ACO1: variants seen among roughly 807,000 people sequenced by gnomAD.
The protein encoded by ACO1 is aconitase 1, also known as cytoplasmic aconitate hydratase.
Under a neutral mutation model 105.1 loss-of-function variants are expected in ACO1, and 78 were observed. The observed-to-expected ratio is 0.74, with a 90% confidence interval of 0.62 to 0.90. ACO1 has a LOEUF of 0.90. ACO1 is among the 40% of genes least tolerant of loss of function. ACO1 has a pLI of 0.00. For synonymous variants in ACO1, 364 were observed against 397.4 expected, an observed-to-expected ratio of 0.92 and a Z score of 1.00; for missense variants, 965 against 1,111.1, an observed-to-expected ratio of 0.87 and a Z score of 1.87.
intron 9 of ACO1, 25 bp downstream of exon 9, chr9:32,423,444 A>C (rs1220129504): frequency 6.9e-7 from 1 of 1,457,328 alleles, no homozygotes; most frequent in African/African-American, 1.4e-5. Flanking sequence ...TCCACTGTGC[A>C]TGTATTTCCT....
rs754371350 is a variant in ACO1 at position 32,405,488 on chromosome 9, C to G, written c.-19C>G. The stretch of plus-strand genomic sequence containing the variant: ...AAATGTTCTCTTTTCTTTTCAGGAA[C>G]ACGTGGCCATCAGTAATCATGAGCA... On this transcript the variant is annotated 5_prime_UTR_variant, in exon 2 of 21. Transcript: ENST00000309951. The G allele has an allele frequency of 5.1e-6, 8 of 1,569,600 alleles. No homozygotes were observed. The highest frequency in any genetic ancestry group is 7.0e-6 in the Non-Finnish European group (8 of 1,140,336).
At chr9:32,432,481 C>T (rs542516279) in intron 15 of ACO1, among the ~76,000 whole-genome samples, 30 of 152,294 alleles carry the variant, frequency 2.0e-4, no homozygotes, top group African/African-American at 6.5e-4. Context: ...GTGATGTTCA[C>T]ACGCTGCACT....
At chr9:32,440,315 A>G in intron 18 of ACO1, 150 bp from the exon 19 acceptor site, 5 of 763,872 alleles carry the variant, frequency 6.5e-6, no homozygotes, top group Non-Finnish European at 1.0e-5. Flanking sequence ...AAGTAAAAAG[A>G]TCAAGATAAT....
intron 14 of ACO1, among the ~76,000 whole-genome samples, 197 bp downstream of exon 14, chr9:32,430,771 G>A (rs1822217679): frequency 6.6e-6 from 1 of 152,148 alleles, no homozygotes; most frequent in African/African-American, 2.4e-5. Context: ...TGAGGGTAAA[G>A]GATAACGAAA....
chr9:32,417,479 A>C (rs1466021073), intron 4 of ACO1, among the ~76,000 whole-genome samples: 1 of 152,214 alleles, frequency 6.6e-6, no homozygotes, highest in African/African-American at 2.4e-5. Context: ...CCTTGACTCA[A>C]AACAATGCAG....
rs1036287850 is a variant in ACO1, at chr9:32,417,769, G to T, written c.405-359G>T. Among the ~76,000 whole-genome samples, 3 of 152,166 alleles carry T rather than the reference G, an allele frequency of 2.0e-5. No individual in the cohort carries two copies. In the South Asian group the frequency reaches 6.2e-4, roughly 32 times the overall value. On this transcript the variant is annotated intron_variant, in intron 4 of 20. Transcript: ENST00000309951. ...ATGTTATAATGAGGTCATGGATGAG[G>T]AGTATAGAAACAAGAGTTCTTTAAA... is the stretch of plus-strand genomic sequence containing the variant.
intron 1 of ACO1, among the ~76,000 whole-genome samples, chr9:32,391,271 G>A (rs1283504262): frequency 1.3e-5 from 2 of 152,200 alleles, no homozygotes; most frequent in African/African-American, 2.4e-5. Context: ...GTCCTCAGCA[G>A]CAAGTGGCAG....
intron 4 of ACO1, among the ~76,000 whole-genome samples, chr9:32,414,932 TAA>T (rs1449366670): frequency 1.3e-5 from 2 of 152,184 alleles, no homozygotes; most frequent in African/African-American, 4.8e-5. Context: ...ATGCAGTTGA[TAA>T]GTGTAGTCAC....
chr9:32,433,466 G>A (rs915044384), intron 15 of ACO1, among the ~76,000 whole-genome samples: 1 of 152,026 alleles, frequency 6.6e-6, no homozygotes, highest in Non-Finnish European at 1.5e-5. Context: ...GAGCTGCTGG[G>A]CTCAAGCCAT....
Position 32,384,752 on chromosome 9 carries a change from C to T in ACO1, c.-23+17C>T, listed in dbSNP as rs575275583. The T allele has an allele frequency of 5.2e-6, 2 of 382,424 alleles. No individual in the cohort carries two copies. Among genetic ancestry groups the T allele is most frequent in the East Asian group, 1.4e-4 (1 of 7,092 alleles). 23.7% of individuals were successfully genotyped at this position (382,424 alleles called of 1,614,324 possible). A position where few individuals can be genotyped will look rare whatever the true frequency, so the allele number is the denominator to read the frequency against. ...CAGTCGGAGGTGAGTACCGACGCGG[C>T]CCGACCCACGTCCCCAGGCGGGAGC... is the stretch of plus-strand genomic sequence containing the variant. On this transcript the variant is annotated intron_variant, in intron 1 of 20. Transcript: ENST00000309951.
At chr9:32,428,277 G>C (rs1822144335) in intron 12 of ACO1, among the ~76,000 whole-genome samples, 1 of 103,884 alleles carries the variant, frequency 9.6e-6, no homozygotes, top group Non-Finnish European at 2.0e-5. Context: ...GCAAGACCCT[G>C]TCTCAAAAAA....
chr9:32,395,203 T>C (rs10813807), intron 1 of ACO1, among the ~76,000 whole-genome samples: 140,024 of 152,178 alleles, frequency 0.92, 65,064 homozygotes, highest in Non-Finnish European at 0.99. Flanking sequence ...AGGCTGGGTG[T>C]GGTGGCTCAC....
At chr9:32,438,223 A>G (rs1440416086) in intron 18 of ACO1, among the ~76,000 whole-genome samples, 2 of 152,200 alleles carry the variant, frequency 1.3e-5, no homozygotes, top group Non-Finnish European at 2.9e-5. Flanking sequence ...GCATCCTAAA[A>G]TCTACACCCA....
chr9:32,404,671 C>T (rs77237669), intron 1 of ACO1, among the ~76,000 whole-genome samples: 22,081 of 152,172 alleles, frequency 0.15, 2,088 homozygotes, highest in South Asian at 0.3. Flanking sequence ...CAGGTCTCTT[C>T]CTGAGCCCTG....
At chr9:32,432,917 C>T (rs1280970542) in intron 15 of ACO1, among the ~76,000 whole-genome samples, 2 of 152,156 alleles carry the variant, frequency 1.3e-5, no homozygotes, top group Non-Finnish European at 2.9e-5. Context: ...CACTTAGGCT[C>T]ACTCATGTGG....
Position 32,439,656 on chromosome 9 carries a change from G to A in ACO1, c.2248-809G>A, listed in dbSNP as rs964355653. ...TCTACCTTTTATTGGGCTTCCATTT[G>A]CATTTCTAGCATCTCTTCCCTTGAC... On this transcript the variant is annotated intron_variant, in intron 18 of 20. Coordinates refer to ENST00000309951, the MANE Select transcript of ACO1 (RefSeq NM_002197.3). The surrounding 1 kb of genome is among the most constrained non-coding windows in gnomAD (Gnocchi z 4.0). Among the ~76,000 whole-genome samples, 1 of 152,134 alleles carries A rather than the reference G, an allele frequency of 6.6e-6. No homozygotes were observed. The highest frequency in any genetic ancestry group is 2.4e-5 in the African/African-American group (1 of 41,426).
At chr9:32,433,400 A>AT (rs199615375) in intron 15 of ACO1, among the ~76,000 whole-genome samples, 4,131 of 149,436 alleles carry the variant, frequency 0.028, 82 homozygotes, top group Non-Finnish European at 0.045. Flanking sequence ...CACCCAGACA[A>AT]TTTTTTTTTT....
chr9:32,426,076 G>A, intron 11 of ACO1, 79 bp downstream of exon 11: 1 of 1,477,438 alleles, frequency 6.8e-7, no homozygotes, highest in Non-Finnish European at 9.2e-7. Flanking sequence ...CAGGGCCTTG[G>A]CGGAGTTGTA....
chr9:32,423,672 T>C (rs563406312), intron 9 of ACO1, among the ~76,000 whole-genome samples: 1 of 152,342 alleles, frequency 6.6e-6, no homozygotes, highest in African/African-American at 2.4e-5. Context: ...GAACTACTGA[T>C]TCACACCTCT....
Sources: allele counts gnomAD v4.1 joint callset (sites outside exome capture counted in the v4.1 genomes callset), GRCh38; gene constraint gnomAD v4.1.1; non-coding constraint Gnocchi (gnomAD v3.1); transcripts MANE v1.5; gene names NCBI Gene and HGNC (gene_info 2026-07-23, HGNC 2026-07-21).